Variants in CEP44 observed in about 807,000 individuals in gnomAD.
The protein encoded by CEP44 is centrosomal protein 44, also known as centrosomal protein of 44 kDa.
Under a neutral mutation model 46.7 loss-of-function variants are expected in CEP44, and 45 were observed. The ratio of observed to expected loss-of-function variants is 0.96; its 90% CI spans 0.76 to 1.24. The LOEUF is 1.24. Ranked by LOEUF, CEP44 falls within the 50% of genes most tolerant of loss-of-function variation. The pLI is 0.00. For synonymous variants in CEP44, 142 were observed against 146.0 expected (o/e 0.97, Z 0.20); for missense variants, 475 against 459.7 (o/e 1.03, Z -0.30).
rs963580474 is a variant in CEP44, at chr4:174,301,146, G to T, written c.90-893G>T. Among the ~76,000 whole-genome samples the T allele has an allele frequency of 6.6e-6, 1 of 152,060 alleles. No individual in the cohort carries two copies. Among genetic ancestry groups the T allele is most frequent in the Non-Finnish European group, 1.5e-5 (1 of 67,976 alleles). On this transcript the variant is annotated intron_variant, in intron 3 of 11. Transcript: ENST00000503780. The surrounding 1 kb of genome is among the most constrained non-coding windows in gnomAD (Gnocchi z 4.3). ...CTTACTAAAAATTTGGGTGGAGATG[G>T]GGATGTTTATGTGAACATCTTGAAT...
chr4:174,293,811 G>A lies in CEP44; in HGVS notation c.-147-4155G>A, dbSNP rs192602713. On this transcript the variant is annotated intron_variant, in intron 1 of 11. Transcript: ENST00000503780. The stretch of plus-strand genomic sequence containing the variant: ...TTTGCTTGCTTCATTTCACTAGCTA[G>A]GACTTCTGGAACACTGTTGAATAGG... Among the ~76,000 whole-genome samples, 49 of 152,192 alleles carry A rather than the reference G, an allele frequency of 3.2e-4. 2 individuals are homozygous for A. The East Asian group carries it at 7.2e-3, about 22-fold the overall frequency.
At chr4:174,321,741 G>C (rs1742332619), downstream of CEP44, among the ~76,000 whole-genome samples, 1 of 151,910 alleles carries the variant, frequency 6.6e-6, no homozygotes, top group Admixed American at 6.6e-5. Context: ...AGTATTATAT[G>C]GTCTTACAAA....
rs1456635302 is a variant in CEP44 at position 174,312,708 on chromosome 4, A to AGAGTTTAT, written c.961+1853_961+1860dup. 6.6e-6 allele frequency among the ~76,000 whole-genome samples: 1 copy of AGAGTTTAT among 152,200 alleles called. No individual in the cohort carries two copies. Among genetic ancestry groups the AGAGTTTAT allele is most frequent in the Admixed American group, 6.5e-5 (1 of 15,280 alleles). On this transcript the variant is annotated intron_variant, in intron 9 of 11. Coordinates refer to ENST00000503780, the MANE Select transcript of CEP44 (RefSeq NM_001040157.3). The surrounding 1 kb of genome is among the most constrained non-coding windows in gnomAD (Gnocchi z 4.5). The stretch of plus-strand genomic sequence containing the variant: ...GATTAGGTTGAATACCTGGTCTCAT[A>AGAGTTTAT]GAGTTTATGATCTGATCTAGATTAA...
At chr4:174,292,371 T>C (rs1301923872) in intron 1 of CEP44, among the ~76,000 whole-genome samples, 1 of 152,200 alleles carries the variant, frequency 6.6e-6, no homozygotes, top group Non-Finnish European at 1.5e-5. Flanking sequence ...TTGGGAACTT[T>C]TGGGCTTCGT....
At chr4:174,292,990 C>T (rs1473613646) in intron 1 of CEP44, among the ~76,000 whole-genome samples, 2 of 152,172 alleles carry the variant, frequency 1.3e-5, no homozygotes, top group African/African-American at 4.8e-5. Context: ...GGAGCAGTTC[C>T]CACTTCTGTA....
At chr4:174,321,653 T>C (rs529779454), downstream of CEP44, among the ~76,000 whole-genome samples, 21 of 152,262 alleles carry the variant, frequency 1.4e-4, no homozygotes, top group Admixed American at 1.2e-3. Context: ...TTTTTCTCTA[T>C]TATGTCATAG....
downstream of CEP44, among the ~76,000 whole-genome samples, chr4:174,322,923 A>G (rs1742413926): frequency 6.6e-6 from 1 of 152,168 alleles, no homozygotes; most frequent in African/African-American, 2.4e-5. Context: ...TACTTTAAGC[A>G]CTGATATTTT....
chr4:174,287,894 A>G lies in CEP44; in HGVS notation c.-148+3951A>G, dbSNP rs1164794307. Among the ~76,000 whole-genome samples the G allele has an allele frequency of 6.6e-6, 1 of 152,232 alleles. No individual in the cohort carries two copies. The highest frequency in any genetic ancestry group is 2.4e-5 in the African/African-American group (1 of 41,450). On this transcript the variant is annotated intron_variant, in intron 1 of 11. Transcript: ENST00000503780. The surrounding 1 kb of genome is among the most constrained non-coding windows in gnomAD (Gnocchi z 5.1). The stretch of plus-strand genomic sequence containing the variant: ...GACAAGAATGTAGTATTTAAAGCTA[A>G]TATCTGAAATTCTCTTCTTGCATCT...
intron 5 of CEP44, 62 bp downstream of exon 5, chr4:174,303,911 A>G: frequency 8.7e-7 from 1 of 1,152,450 alleles, no homozygotes; most frequent in Non-Finnish European, 1.2e-6. Flanking sequence ...CAGTATTTTA[A>G]TGTATAAAAT....
chr4:174,305,717 G>C (rs2126609982), intron 6 of CEP44, among the ~76,000 whole-genome samples: 1 of 152,180 alleles, frequency 6.6e-6, no homozygotes, highest in East Asian at 1.9e-4. Flanking sequence ...CAACTAGAAG[G>C]AACATATATG....
At chr4:174,320,653 A>G (rs989050155), downstream of CEP44, among the ~76,000 whole-genome samples, 11 of 118,404 alleles carry the variant, frequency 9.3e-5, no homozygotes, top group African/African-American at 2.9e-4. Context: ...ATTTGAAAGA[A>G]ATTCACTAGG....
At chr4:174,316,069 A>G in intron 9 of CEP44, 97 bp from the exon 10 acceptor site, 1 of 1,428,542 alleles carries the variant, frequency 7.0e-7, no homozygotes, top group Non-Finnish European at 9.5e-7. Context: ...ATTTTTAATT[A>G]AAATAGTATG....
rs989602145 is a variant in CEP44 at position 174,319,019 on chromosome 4, G to A, written c.*1636G>A. The A allele has an allele frequency of 3.4e-5, 14 of 405,904 alleles. No homozygotes were observed. The highest frequency in any genetic ancestry group is 4.3e-5 in the Non-Finnish European group (13 of 300,968). 25.1% of individuals were successfully genotyped at this position (405,904 alleles called of 1,614,324 possible). On this transcript the variant is annotated 3_prime_UTR_variant, in exon 12 of 12. Coordinates refer to ENST00000503780, the MANE Select transcript of CEP44 (RefSeq NM_001040157.3). The stretch of plus-strand genomic sequence containing the variant: ...AGACAGGGTTTCACCATGTTGCCCA[G>A]TCTGTTCTCAAACTCGTGAGCTAAA...
chr4:174,308,919 A>T (rs1441630879), intron 7 of CEP44, 60 bp downstream of exon 7: 1 of 1,395,720 alleles, frequency 7.2e-7, no homozygotes, highest in African/African-American at 1.4e-5. Context: ...ATGTGTAATT[A>T]TTTCAGCCTC....
intron 3 of CEP44, among the ~76,000 whole-genome samples, chr4:174,299,589 C>T (rs1160971641): frequency 6.6e-6 from 1 of 152,022 alleles, no homozygotes; most frequent in Middle Eastern, 3.2e-3. Flanking sequence ...GAGATTGTTG[C>T]CATTTCTTGT....
At chr4:174,285,370 T>A (rs1441419320) in intron 1 of CEP44, 1 of 152,206 alleles carries the variant, frequency 6.6e-6, no homozygotes, top group East Asian at 1.9e-4. Flanking sequence ...AATTTTATTC[T>A]GTGATAATCC....
At chr4:174,284,711 C>T (rs925866566) in intron 1 of CEP44, among the ~76,000 whole-genome samples, 35 of 152,332 alleles carry the variant, frequency 2.3e-4, no homozygotes, top group African/African-American at 8.2e-4. Context: ...CCACTCCCGC[C>T]CAGCTTTCTC....
chr4:174,302,253 C>T (rs1003406081), intron 4 of CEP44, 67 bp downstream of exon 4: 1 of 1,010,214 alleles, frequency 9.9e-7, no homozygotes, highest in Non-Finnish European at 1.5e-6. Context: ...ATGATTTAGT[C>T]ATAACTTCTT....
At position 174,331,623 on chromosome 4, in the gene CEP44, C is replaced by T. The variant is rs1371702995; in HGVS notation, c.*28C>T. On this transcript the variant is annotated 3_prime_UTR_variant, in exon 9 of 9. Transcript: ENST00000426172. The surrounding 1 kb of genome is among the most constrained non-coding windows in gnomAD (Gnocchi z 4.5). ...TCTGTTTCTTGGATCCTGTGCTTAC[C>T]TTTTCCTGCTGTACTCTGATGTTTC... 1.3e-6 allele frequency: 2 copies of T among 1,548,998 alleles called. No homozygotes were observed. The highest frequency in any genetic ancestry group is 4.9e-5 in the East Asian group (2 of 40,872).
Sources: gnomAD v4.1 joint callset for allele counts (sites outside exome capture counted in the v4.1 genomes callset) on GRCh38, gnomAD v4.1.1 for gene constraint, Gnocchi (gnomAD v3.1) non-coding constraint, MANE v1.5 for transcripts, NCBI Gene and HGNC (gene_info 2026-07-23, HGNC 2026-07-21) for gene names.